Variants in NME9 observed in about 807,000 individuals in gnomAD.
The protein encoded by NME9 is NME/NM23 family member 9, also known as thioredoxin domain-containing protein 6.
A neutral mutation model predicts 44.4 loss-of-function variants in NME9; 48 were observed. The observed-to-expected ratio is 1.08, with a 90% CI of 0.86 to 1.37. The LOEUF (loss-of-function observed/expected upper bound fraction) is 1.37, where lower values mean the gene tolerates loss of function less well. Among genes scored for constraint, NME9 ranks in the 40% most tolerant of loss-of-function variants. NME9 has a pLI of 0.00. For missense variants in NME9, 325 were observed against 405.2 expected, an observed-to-expected ratio of 0.80 and a Z score of 1.70; for synonymous variants, 139 against 147.1, an observed-to-expected ratio of 0.94 and a Z score of 0.40.
At chr3:138,294,934 T>A (rs2051329393) in intron 8 of NME9, among the ~76,000 whole-genome samples, 2 of 151,736 alleles carry the variant, frequency 1.3e-5, no homozygotes, top group Admixed American at 6.6e-5. Flanking sequence ...GTTTCACTCT[T>A]GTCGCACAGG....
At position 138,329,419 on chromosome 3, in the gene NME9, G is replaced by A. The variant is rs2053990335; in HGVS notation, c.-84C>T. 1 of 1,533,118 alleles carries A rather than the reference G, an allele frequency of 6.5e-7. No homozygotes were observed. The highest frequency in any genetic ancestry group is 2.0e-5 in the Admixed American group (1 of 50,642). The allele number at this position is 1,533,118 out of a possible 1,614,324, so 95.0% of individuals were successfully genotyped here. A position where few individuals can be genotyped will look rare whatever the true frequency, so the allele number is the denominator to read the frequency against. On this transcript the variant is annotated 5_prime_UTR_variant, in exon 1 of 11. Coordinates refer to ENST00000333911, the MANE Select transcript of NME9 (RefSeq NM_001349018.2). ...TCGCGACAAACCGCTGCGTGGATCA[G>A]CAAGCCCAGAGCCTCCTTCAGACAA...
intron 8 of NME9, among the ~76,000 whole-genome samples, chr3:138,286,994 C>G (rs1455579807): frequency 2.0e-5 from 3 of 152,170 alleles, no homozygotes; most frequent in African/African-American, 7.2e-5. Flanking sequence ...CAAAACTGAT[C>G]TTGAATCCAA....
rs770287429 is a variant in NME9, at chr3:138,324,870, T to C, written c.91+3A>G. The C allele has an allele frequency of 2.7e-5, 43 of 1,608,118 alleles. 1 individual carries two copies. The highest frequency in any genetic ancestry group is 2.6e-4 in the South Asian group (24 of 90,870). ...TCTAAAAAGTTATTTTACTTTGAATTACCAGTTAGTCCTTTGGAACTGAGC... is the reference window on the plus strand; with the variant it reads ...TCTAAAAAGTTATTTTACTTTGAATCACCAGTTAGTCCTTTGGAACTGAGC... On this transcript the variant is annotated splice_donor_region_variant and intron_variant, in intron 2 of 10. Coordinates refer to ENST00000333911, the MANE Select transcript of NME9 (RefSeq NM_001349018.2).
rs1029903239 is a variant in NME9, at chr3:138,303,638, C to T, written c.797G>A (p.Arg266Gln). Residue 266 changes from arginine to glutamine, a missense_variant, in exon 10 of 11, where the codon CGA becomes CAA. Physicochemically the swap from Arg to Gln is conservative, Grantham distance 43. Transcript: ENST00000333911. ...VARREQPESLRAQYGTEMPFN... is the reference protein window; with the variant it reads ...VARREQPESLQAQYGTEMPFN... ...GGGCATTTCTGTGCCGTACTGAGCT[C>T]GGAGACTGGGAACATTGGCAAAATG... The T allele has an allele frequency of 2.5e-6, 4 of 1,598,394 alleles. No homozygotes were observed. Among genetic ancestry groups the T allele is most frequent in the African/African-American group, 2.7e-5 (2 of 74,500 alleles).
In NME9 at chr3:138,304,950, G is replaced by A. The variant is rs780976701; in HGVS notation, c.714C>T (p.Phe238=). 12 of 1,614,088 alleles carry A rather than the reference G, an allele frequency of 7.4e-6. No individual in the cohort carries two copies. The South Asian group carries it at 1.3e-4, about 18-fold the overall frequency. The part of the protein sequence containing the change: ...HLLILTRTEG[F]EDVVTTWRTV... ...TTCGCCAGGTAGTGACCACGTCCTC[G>A]AAGCCCTCAGTCCTGGTGAGGATCA... Residue 238 remains phenylalanine (F), a synonymous_variant, in exon 9 of 11, where the codon TTC becomes TTT. Coordinates refer to ENST00000333911, the MANE Select transcript of NME9 (RefSeq NM_001349018.2).
At chr3:138,327,793 C>G (rs770304262) in intron 1 of NME9, among the ~76,000 whole-genome samples, 1 of 152,036 alleles carries the variant, frequency 6.6e-6, no homozygotes, top group East Asian at 1.9e-4. Flanking sequence ...GGAGGGAGCA[C>G]TTAGTTTGAG....
downstream of NME9, chr3:138,296,294 T>C (rs1369760938): frequency 6.4e-6 from 1 of 157,468 alleles, no homozygotes; most frequent in Non-Finnish European, 1.4e-5. Flanking sequence ...GTGTGAGGGA[T>C]ACCTCAGATT....
chr3:138,269,944 G>A, intron 8 of NME9: 1 of 690,870 alleles, frequency 1.4e-6, no homozygotes, highest in East Asian at 2.9e-5. Context: ...TTGAGTAAGA[G>A]TGGGGAAGAA....
intron 1 of NME9, 138 bp downstream of exon 1, chr3:138,329,165 A>G: frequency 1.3e-6 from 1 of 745,500 alleles, no homozygotes; most frequent in Non-Finnish European, 2.2e-6. Context: ...ACGGAAGGGT[A>G]CATCACTCAA....
intron 8 of NME9, chr3:138,262,593 A>G: frequency 1.3e-6 from 2 of 1,566,276 alleles, no homozygotes; most frequent in Non-Finnish European, 1.7e-6. Context: ...TCACCTGAGG[A>G]GATTAAAAAA....
intron 8 of NME9, among the ~76,000 whole-genome samples, chr3:138,266,436 A>G (rs1377293077): frequency 6.6e-6 from 1 of 152,094 alleles, no homozygotes; most frequent in Non-Finnish European, 1.5e-5. Flanking sequence ...CTGGATTTTT[A>G]TAGTTGAGGA....
At chr3:138,296,073 T>A, downstream of NME9, 1 of 536,464 alleles carries the variant, frequency 1.9e-6, no homozygotes, top group Non-Finnish European at 3.2e-6. Flanking sequence ...TTTGAGGTAG[T>A]AATTTCCTCA....
chr3:138,314,221 A>T (rs1560113839), intron 6 of NME9, 111 bp downstream of exon 6: 1 of 586,474 alleles, frequency 1.7e-6, no homozygotes, highest in Non-Finnish European at 3.0e-6. Flanking sequence ...CCATTAAAAA[A>T]TCTTCTCATA....
chr3:138,299,947 C>T (rs1227627110), downstream of NME9, among the ~76,000 whole-genome samples: 1 of 152,186 alleles, frequency 6.6e-6, no homozygotes, highest in Admixed American at 6.5e-5. Flanking sequence ...CAGAGCCACA[C>T]ACACCTGTGG....
chr3:138,275,241 A>G (rs2049165057), intron 8 of NME9, among the ~76,000 whole-genome samples: 1 of 152,222 alleles, frequency 6.6e-6, no homozygotes, highest in South Asian at 2.1e-4. Context: ...GGTTTTGGCT[A>G]CATGGTTATG....
At chr3:138,284,606 A>G in intron 8 of NME9, 1 of 1,073,624 alleles carries the variant, frequency 9.3e-7, no homozygotes, top group South Asian at 1.4e-5. Flanking sequence ...TTGTGCAGAG[A>G]TTTTAAAAAG....
chr3:138,272,987 A>G (rs1315294714), intron 8 of NME9: 5 of 1,605,194 alleles, frequency 3.1e-6, no homozygotes, highest in African/African-American at 1.3e-5. Context: ...TTCAGGCTGA[A>G]CAAAAAATAA....
At chr3:138,273,338 ATC>A (rs1423388446) in intron 8 of NME9, among the ~76,000 whole-genome samples, 11 of 152,186 alleles carry the variant, frequency 7.2e-5, no homozygotes, top group African/African-American at 2.7e-4. Context: ...TACACTGCTT[ATC>A]CTGTCTCCCT....
At chr3:138,293,317 G>A (rs2051160325) in intron 8 of NME9, among the ~76,000 whole-genome samples, 1 of 152,076 alleles carries the variant, frequency 6.6e-6, no homozygotes, top group African/African-American at 2.4e-5. Flanking sequence ...CGAGGTAAGC[G>A]GATTATGAGG....
Sources: gnomAD v4.1 joint callset for allele counts (sites outside exome capture counted in the v4.1 genomes callset) on GRCh38, gnomAD v4.1.1 for gene constraint, MANE v1.5 for transcripts, NCBI Gene and HGNC (gene_info 2026-07-23, HGNC 2026-07-21) for gene names.